MYO5B: variants seen among roughly 807,000 people sequenced by gnomAD.
MYO5B encodes the protein unconventional myosin-Vb.
MYO5B carries 143 observed loss-of-function variants against 229.3 expected under a neutral mutation model. The ratio of observed to expected loss-of-function variants is 0.62; its 90% CI spans 0.54 to 0.72. MYO5B has a LOEUF of 0.72. Ranked by LOEUF, MYO5B falls within the 30% of genes least tolerant of loss-of-function variation. The pLI, the probability that MYO5B is intolerant of heterozygous loss-of-function variation, is 0.00. For missense variants in MYO5B, 2,321 were observed against 2,331.0 expected, an observed-to-expected ratio of 1.00 and a Z score of 0.09; for synonymous variants, 918 against 885.2, an observed-to-expected ratio of 1.04 and a Z score of -0.66.
intron 1 of MYO5B, among the ~76,000 whole-genome samples, chr18:50,106,660 G>A (rs943043529): frequency 1.6e-4 from 24 of 152,168 alleles, no homozygotes; most frequent in Non-Finnish European, 5.9e-5. Context: ...ACTTCCCCCA[G>A]GAAGTGCTTC....
chr18:49,830,829 CAAA>C (rs59785909), intron 39 of MYO5B, among the ~76,000 whole-genome samples: 1,295 of 72,902 alleles, frequency 0.018, 15 homozygotes, highest in South Asian at 0.15. Context: ...GACTCTGTCT[CAAA>C]AAAAAAAAAA....
intron 1 of MYO5B, among the ~76,000 whole-genome samples, chr18:50,184,326 T>C (rs1026157289): frequency 6.6e-6 from 1 of 152,072 alleles, no homozygotes; most frequent in Non-Finnish European, 1.5e-5. Context: ...ATGGACTCGA[T>C]CCTTCTCTGA....
chr18:49,843,410 A>G lies in MYO5B; in HGVS notation c.4460-18T>C, dbSNP rs1299240752. On this transcript the variant is annotated intron_variant, in intron 33 of 39. Coordinates refer to ENST00000285039, the MANE Select transcript of MYO5B (RefSeq NM_001080467.3). The stretch of plus-strand genomic sequence containing the variant: ...CTTCAAGTCTAAGGGCAACGAGAGC[A>G]GCAAATGGCAAGTTAGATCTATGGG... 1 of 1,613,966 alleles carries G rather than the reference A, an allele frequency of 6.2e-7. No individual in the cohort carries two copies. Among genetic ancestry groups the G allele is most frequent in the Non-Finnish European group, 8.5e-7 (1 of 1,180,014 alleles).
chr18:50,045,660 T>C (rs765728777), intron 2 of MYO5B, among the ~76,000 whole-genome samples: 1 of 152,206 alleles, frequency 6.6e-6, no homozygotes, highest in Non-Finnish European at 1.5e-5. Flanking sequence ...AAGTGTGAGA[T>C]TACAGGTGTG....
At chr18:50,074,955 G>C (rs1345684719) in intron 1 of MYO5B, among the ~76,000 whole-genome samples, 1 of 151,624 alleles carries the variant, frequency 6.6e-6, no homozygotes, top group Non-Finnish European at 1.5e-5. Flanking sequence ...CGAGTATCTG[G>C]GATTACAGGC....
chr18:49,963,745 C>T (rs2025590153), intron 10 of MYO5B, among the ~76,000 whole-genome samples: 1 of 152,100 alleles, frequency 6.6e-6, no homozygotes, highest in Non-Finnish European at 1.5e-5. Flanking sequence ...CTATTATCAT[C>T]ATTTAACATT....
At chr18:50,070,939 G>A (rs191193856) in intron 1 of MYO5B, among the ~76,000 whole-genome samples, 2 of 152,282 alleles carry the variant, frequency 1.3e-5, no homozygotes, top group African/African-American at 4.8e-5. Context: ...TCTGGCCTCA[G>A]CCTCCTGGGT....
chr18:49,925,016 T>C (rs2025113468), intron 17 of MYO5B, among the ~76,000 whole-genome samples: 2 of 152,222 alleles, frequency 1.3e-5, no homozygotes, highest in Non-Finnish European at 2.9e-5. Context: ...GATCCCTCCT[T>C]GCAGCCAGGG....
intron 4 of MYO5B, among the ~76,000 whole-genome samples, chr18:50,018,014 T>C (rs2026234504): frequency 6.6e-6 from 1 of 152,240 alleles, no homozygotes; most frequent in Non-Finnish European, 1.5e-5. Context: ...GACTCAAATA[T>C]GAGTTAAATG....
chr18:49,999,506 A>G (rs550812905), intron 5 of MYO5B, among the ~76,000 whole-genome samples: 2 of 152,366 alleles, frequency 1.3e-5, no homozygotes, highest in South Asian at 4.1e-4. Context: ...TTATTAATCT[A>G]TGTTTGCAGC....
At chr18:50,095,803 A>C (rs1469365514) in intron 1 of MYO5B, among the ~76,000 whole-genome samples, 2 of 152,228 alleles carry the variant, frequency 1.3e-5, no homozygotes, top group Non-Finnish European at 2.9e-5. Flanking sequence ...ACACTCCCAT[A>C]TGGGTCATGC....
At position 49,837,737 on chromosome 18, in the gene MYO5B, T is replaced by C; in HGVS notation, c.4918A>G (p.Lys1640Glu). ...CCATCTGCCATGCTGGAGGAGCGCT[T>C]CCGGTAGCCGGTGGGCTTCACACCA... ...LSGVKPTGYRKRSSSMADGDN... is the reference protein window; with the variant it reads ...LSGVKPTGYRERSSSMADGDN... The change falls in exon 37 of 40, where the codon AAG becomes GAG. Residue 1640 changes from lysine (K) to glutamate (E), a missense_variant. By Grantham distance (56) the Lys-to-Glu change is moderately conservative. Transcript: ENST00000285039. 6.2e-7 allele frequency: 1 copy of C among 1,614,188 alleles called. No individual in the cohort carries two copies. The highest frequency in any genetic ancestry group is 2.2e-5 in the East Asian group (1 of 44,890).
intron 17 of MYO5B, 53 bp downstream of exon 17, chr18:49,929,459 C>G (rs2025165129): frequency 4.0e-5 from 60 of 1,491,912 alleles, no homozygotes; most frequent in Non-Finnish European, 5.3e-5. Flanking sequence ...GGGAACCAAA[C>G]TCTGGCTGCT....
chr18:50,093,312 T>C (rs1343953208), intron 1 of MYO5B, among the ~76,000 whole-genome samples: 3 of 152,022 alleles, frequency 2.0e-5, no homozygotes, highest in Non-Finnish European at 2.9e-5. Context: ...AACTGCAGAA[T>C]GGATGAACCC....
chr18:50,096,212 C>T (rs2031547170), intron 1 of MYO5B, among the ~76,000 whole-genome samples: 1 of 152,156 alleles, frequency 6.6e-6, no homozygotes, highest in Admixed American at 6.5e-5. Flanking sequence ...AGAAAGGCAG[C>T]TCCATGATTC....
rs189071162 is a variant in MYO5B at position 49,853,754 on chromosome 18, C to G, written c.4023-107G>C. On this transcript the variant is annotated intron_variant, in intron 30 of 39. Coordinates refer to ENST00000285039, the MANE Select transcript of MYO5B (RefSeq NM_001080467.3). ...GGAGCAGCCAAGCACACAGCAGCAG[C>G]GGTTGCACATCCCCCAGAGGGATGA... 192 of 1,008,736 alleles carry G rather than the reference C, an allele frequency of 1.9e-4. 1 individual carries two copies. In the East Asian group the frequency reaches 3.3e-3, roughly 18 times the overall value. The allele number at this position is 1,008,736 out of a possible 1,614,324, so 62.5% of individuals were successfully genotyped here.
At chr18:49,892,863 G>C (rs903590471) in intron 22 of MYO5B, among the ~76,000 whole-genome samples, 24 of 152,186 alleles carry the variant, frequency 1.6e-4, no homozygotes, top group African/African-American at 5.1e-4. Context: ...GCTTACATTT[G>C]GGGTAGGGAA....
chr18:50,039,342 T>G (rs1042384566), intron 3 of MYO5B, among the ~76,000 whole-genome samples: 2 of 151,948 alleles, frequency 1.3e-5, no homozygotes, highest in Non-Finnish European at 2.9e-5. Context: ...TTTTGTTTTG[T>G]TTTTTTTGAG....
intron 17 of MYO5B, among the ~76,000 whole-genome samples, chr18:49,919,991 T>C (rs2025056997): frequency 1.3e-5 from 2 of 152,220 alleles, no homozygotes; most frequent in South Asian, 4.1e-4. Flanking sequence ...TATAAAGGAA[T>C]AAACTACTGA....
Sources: allele counts gnomAD v4.1 joint callset (sites outside exome capture counted in the v4.1 genomes callset), GRCh38; gene constraint gnomAD v4.1.1; transcripts MANE v1.5; gene names NCBI Gene and HGNC (gene_info 2026-07-23, HGNC 2026-07-21).